The following LEMD1 variants were observed in gnomAD, a reference collection of about 807,000 sequenced individuals.
LEMD1 encodes the protein LEM domain-containing protein 1.
In LEMD1, 18 loss-of-function variants were observed where a neutral mutation model predicts 17.4. The observed-to-expected ratio is 1.04, with a 90% CI of 0.72 to 1.54. The LOEUF (loss-of-function observed/expected upper bound fraction) is 1.54. Among genes scored for constraint, LEMD1 ranks in the 40% most tolerant of loss-of-function variants. LEMD1 has a pLI of 0.00. For missense variants in LEMD1, 195 were observed against 210.4 expected, an observed-to-expected ratio of 0.93 and a Z score of 0.45; for synonymous variants, 88 against 77.8, an observed-to-expected ratio of 1.13 and a Z score of -0.69.
At chr1:205,434,006 A>G (rs1362734076) in intron 1 of LEMD1, among the ~76,000 whole-genome samples, 2 of 152,184 alleles carry the variant, frequency 1.3e-5, no homozygotes, top group Non-Finnish European at 2.9e-5. Context: ...GAGTTATGAC[A>G]TAATAATTCT....
chr1:205,395,446 TA>T (rs1273588317), intron 4 of LEMD1, among the ~76,000 whole-genome samples: 2 of 151,526 alleles, frequency 1.3e-5, no homozygotes, highest in African/African-American at 4.9e-5. Context: ...AATACAAAAT[TA>T]GCCAGGTTTG....
Position 205,448,491 on chromosome 1 carries a change from C to A in LEMD1, c.-39+1377G>T. 2.1e-6 allele frequency: 1 copy of A among 468,520 alleles called. No individual in the cohort carries two copies. The highest frequency in any genetic ancestry group is 4.3e-6 in the Non-Finnish European group (1 of 232,744). 29.0% of individuals were successfully genotyped at this position (468,520 alleles called of 1,614,324 possible). On this transcript the variant is annotated intron_variant, in intron 1 of 3. Transcript: ENST00000367154. The surrounding 1 kb of genome is among the most constrained non-coding windows in gnomAD (Gnocchi z 4.7). ...CCTTCTCAGCACCCCCGACCCCAGA[C>A]CCACCCACACTGCCTCCCTCCAGGA...
At chr1:205,404,264 T>C (rs1162558411) in intron 4 of LEMD1, among the ~76,000 whole-genome samples, 1 of 152,062 alleles carries the variant, frequency 6.6e-6, no homozygotes, top group African/African-American at 2.4e-5. Context: ...CCTTGTTAAC[T>C]TTCTGTCTCG....
intron 1 of LEMD1, chr1:205,435,314 G>A (rs1666188622): frequency 6.6e-6 from 1 of 152,266 alleles, no homozygotes; most frequent in South Asian, 2.1e-4. Context: ...TGGAGGTGGG[G>A]ACATAAGGAG....
intron 1 of LEMD1, among the ~76,000 whole-genome samples, chr1:205,447,536 C>A (rs34277475): frequency 0.15 from 22,881 of 152,036 alleles, 2,001 homozygotes; most frequent in East Asian, 0.28. Flanking sequence ...CTGTTGGAAT[C>A]TTCCAGGATG....
At chr1:205,398,090 A>G (rs958255150) in intron 4 of LEMD1, among the ~76,000 whole-genome samples, 7 of 152,234 alleles carry the variant, frequency 4.6e-5, no homozygotes, top group Admixed American at 4.6e-4. Context: ...TTTTACAGGA[A>G]GAATGTTAAA....
rs1016151489 is a variant in LEMD1, at chr1:205,448,943, G to T, written c.-39+925C>A. 5.3e-5 allele frequency among the ~76,000 whole-genome samples: 8 copies of T among 152,124 alleles called. No homozygotes were observed. The highest frequency in any genetic ancestry group is 1.7e-4 in the African/African-American group (7 of 41,430). On this transcript the variant is annotated intron_variant, in intron 1 of 3. Coordinates refer to the LEMD1 transcript ENST00000367154. The surrounding 1 kb of genome is among the most constrained non-coding windows in gnomAD (Gnocchi z 4.7). ...AATAGGTTTCTTGAGTGCCCCCAGGGGTGGGGGCTGGGCCAACCTACCCAG... is the reference window on the plus strand; with the variant it reads ...AATAGGTTTCTTGAGTGCCCCCAGGTGTGGGGGCTGGGCCAACCTACCCAG...
At chr1:205,390,635 A>C (rs567124681) in intron 4 of LEMD1, among the ~76,000 whole-genome samples, 1 of 152,334 alleles carries the variant, frequency 6.6e-6, no homozygotes, top group East Asian at 1.9e-4. Flanking sequence ...ACAATTGCAA[A>C]GAGTTTATTG....
chr1:205,389,867 T>G (rs1243026914), intron 4 of LEMD1, among the ~76,000 whole-genome samples: 2 of 152,226 alleles, frequency 1.3e-5, no homozygotes, highest in Non-Finnish European at 2.9e-5. Context: ...GTAAAAGATC[T>G]ATAATCTTAG....
intron 4 of LEMD1, among the ~76,000 whole-genome samples, chr1:205,403,406 A>G (rs1664944272): frequency 6.6e-6 from 1 of 152,166 alleles, no homozygotes; most frequent in African/African-American, 2.4e-5. Flanking sequence ...TCAGAGATTC[A>G]ACTTCTTCCT....
intron 4 of LEMD1, among the ~76,000 whole-genome samples, chr1:205,409,452 A>G (rs1350565283): frequency 1.3e-5 from 2 of 152,152 alleles, no homozygotes; most frequent in Non-Finnish European, 2.9e-5. Flanking sequence ...CCTGCTTTGC[A>G]TATTTTAACT....
At chr1:205,417,909 A>G (rs1665770529) in intron 3 of LEMD1, among the ~76,000 whole-genome samples, 1 of 151,960 alleles carries the variant, frequency 6.6e-6, no homozygotes, top group Non-Finnish European at 1.5e-5. Flanking sequence ...TGGAGTGGAA[A>G]GAGCAAAGTT....
chr1:205,445,946 T>C (rs1408649322), intron 1 of LEMD1, among the ~76,000 whole-genome samples: 1 of 152,056 alleles, frequency 6.6e-6, no homozygotes, highest in East Asian at 1.9e-4. Flanking sequence ...ATGGAACAAA[T>C]ACAATAAGAG....
In LEMD1 at chr1:205,411,373, A is replaced by G. The variant is rs190702121; in HGVS notation, c.270+4859T>C. Among the ~76,000 whole-genome samples the G allele has an allele frequency of 2.6e-3, 392 of 151,736 alleles. 2 individuals are homozygous for G. Among genetic ancestry groups the G allele is most frequent in the African/African-American group, 8.7e-3 (362 of 41,444 alleles). On this transcript the variant is annotated intron_variant, in intron 4 of 5. Transcript: ENST00000367153. ...ACGAGGTCAGGAGATCAAGACCACG[A>G]TGAAACCCCTTCTCTACTAAAAATA...
chr1:205,382,478 G>A (rs1483487706), intron 5 of LEMD1, among the ~76,000 whole-genome samples: 1 of 152,062 alleles, frequency 6.6e-6, no homozygotes. Flanking sequence ...GCCCAGGCTG[G>A]TCTCAAACTC....
intron 3 of LEMD1, among the ~76,000 whole-genome samples, chr1:205,416,499 G>A (rs957325085): frequency 4.6e-5 from 7 of 152,178 alleles, no homozygotes; most frequent in Admixed American, 2.0e-4. Flanking sequence ...GCCTTCCTCT[G>A]GGAATAAGGC....
intron 4 of LEMD1, among the ~76,000 whole-genome samples, chr1:205,411,521 A>T (rs1466596040): frequency 6.7e-6 from 1 of 149,092 alleles, no homozygotes; most frequent in Non-Finnish European, 1.5e-5. Context: ...GTGCCACTGC[A>T]CTCCAGCCTA....
chr1:205,436,304 T>C (rs1666203341), intron 1 of LEMD1: 5 of 152,168 alleles, frequency 3.3e-5, no homozygotes, highest in Admixed American at 3.3e-4. Flanking sequence ...TCTTCCTCAG[T>C]ATGACGACTT....
intron 4 of LEMD1, among the ~76,000 whole-genome samples, chr1:205,390,442 A>G (rs531291104): frequency 2.6e-5 from 4 of 152,276 alleles, no homozygotes; most frequent in East Asian, 3.9e-4. Context: ...AACCTACACC[A>G]TAAGTCATAC....
Sources: allele counts gnomAD v4.1 joint callset (sites outside exome capture counted in the v4.1 genomes callset), GRCh38; gene constraint gnomAD v4.1.1; non-coding constraint Gnocchi (gnomAD v3.1); transcripts MANE v1.5; gene names NCBI Gene and HGNC (gene_info 2026-07-23, HGNC 2026-07-21).